Variants in SNTG2 observed in about 807,000 individuals in gnomAD.
The protein encoded by SNTG2 is gamma-2-syntrophin.
SNTG2 carries 74 observed loss-of-function variants against 70.9 expected under a neutral mutation model. The ratio of observed to expected loss-of-function variants is 1.04; its 90% CI spans 0.86 to 1.27. The LOEUF is 1.27. SNTG2 is among the 50% of genes most tolerant of loss of function. SNTG2 has a pLI of 0.00. For missense variants in SNTG2, 717 were observed against 690.7 expected (o/e 1.04, Z -0.43); for synonymous variants, 278 against 273.8 (o/e 1.02, Z -0.15).
At chr2:1,078,998 A>G (rs1430438534) in intron 1 of SNTG2, among the ~76,000 whole-genome samples, 3 of 152,234 alleles carry the variant, frequency 2.0e-5, no homozygotes, top group Non-Finnish European at 2.9e-5. Context: ...TGAATGGGAA[A>G]GACTCAAAGT....
intron 8 of SNTG2, among the ~76,000 whole-genome samples, chr2:1,173,431 A>G (rs1671260343): frequency 6.6e-6 from 1 of 152,226 alleles, no homozygotes; most frequent in Admixed American, 6.5e-5. Context: ...TGAGCAGGCA[A>G]GAATTCTTTG....
chr2:1,318,699 G>C (rs66477241), intron 16 of SNTG2, among the ~76,000 whole-genome samples: 22,656 of 152,256 alleles, frequency 0.15, 1,879 homozygotes, highest in African/African-American at 0.22. Flanking sequence ...GCTTGGATGT[G>C]AATGGATCAG....
intron 6 of SNTG2, among the ~76,000 whole-genome samples, chr2:1,148,117 T>C (rs28468659): frequency 0.94 from 142,598 of 152,220 alleles, 66,918 homozygotes; most frequent in Non-Finnish European, 0.97. Context: ...GGAAAATCAA[T>C]CCCAGGAGCT....
chr2:1,193,331 C>T (rs944161417), intron 8 of SNTG2, among the ~76,000 whole-genome samples: 8 of 152,192 alleles, frequency 5.3e-5, no homozygotes, highest in African/African-American at 1.7e-4. Context: ...GGAAAGCCCT[C>T]CCTCCTAGAG....
At chr2:1,045,398 A>AT (rs1355743898) in intron 1 of SNTG2, among the ~76,000 whole-genome samples, 1 of 150,756 alleles carries the variant, frequency 6.6e-6, no homozygotes, top group East Asian at 1.9e-4. Context: ...TTCAGCTCTG[A>AT]TTTTGCTTCT....
intron 11 of SNTG2, among the ~76,000 whole-genome samples, chr2:1,245,122 C>T (rs534122836): frequency 2.4e-3 from 205 of 86,002 alleles, no homozygotes; most frequent in Non-Finnish European, 3.4e-3. Context: ...GGACTGTTGT[C>T]GGGTGGGGGG....
chr2:1,320,258 G>A (rs1015634451), intron 16 of SNTG2, among the ~76,000 whole-genome samples: 2 of 152,010 alleles, frequency 1.3e-5, no homozygotes, highest in African/African-American at 4.8e-5. Context: ...GAATTGGCCG[G>A]GCATGGTGGC....
chr2:1,144,616 T>C (rs947059320), intron 6 of SNTG2, among the ~76,000 whole-genome samples: 3 of 152,156 alleles, frequency 2.0e-5, no homozygotes, highest in Non-Finnish European at 4.4e-5. Context: ...CTCAGAATCA[T>C]GGTGGAAGGC....
chr2:1,348,639 G>T (rs1018967262), intron 16 of SNTG2, among the ~76,000 whole-genome samples: 1 of 152,290 alleles, frequency 6.6e-6, no homozygotes, highest in East Asian at 1.9e-4. Context: ...AAATGTATTT[G>T]ATTGAAGTCT....
chr2:1,020,580 AAATT>A (rs1348184343), intron 1 of SNTG2, among the ~76,000 whole-genome samples: 409 of 8,940 alleles, frequency 0.046, 2 homozygotes, highest in African/African-American at 0.19. Flanking sequence ...TTTTTTAAAA[AAATT>A]CCAACAGAAA....
At chr2:963,721 T>C (rs995565902) in intron 1 of SNTG2, among the ~76,000 whole-genome samples, 1 of 152,128 alleles carries the variant, frequency 6.6e-6, no homozygotes, top group African/African-American at 2.4e-5. Context: ...CCAGTAAAAA[T>C]TGGCTGAAGA....
chr2:1,214,031 T>C (rs569545314), intron 9 of SNTG2, among the ~76,000 whole-genome samples: 1 of 152,352 alleles, frequency 6.6e-6, no homozygotes, highest in South Asian at 2.1e-4. Flanking sequence ...GATATGTTCC[T>C]GGCACTTTTG....
chr2:1,242,040 C>G (rs779524467), intron 11 of SNTG2, among the ~76,000 whole-genome samples: 2 of 152,150 alleles, frequency 1.3e-5, no homozygotes, highest in South Asian at 2.1e-4. Flanking sequence ...TTTGAATTTA[C>G]TTAGCAGCTT....
intron 2 of SNTG2, among the ~76,000 whole-genome samples, chr2:1,090,824 A>G (rs6736795): frequency 0.79 from 120,196 of 152,084 alleles, 47,721 homozygotes; most frequent in Admixed American, 0.88. Flanking sequence ...GGAAAGTCAT[A>G]GACCAGTTAA....
chr2:1,331,929 C>T (rs1266249978), intron 16 of SNTG2, among the ~76,000 whole-genome samples: 4 of 152,152 alleles, frequency 2.6e-5, no homozygotes, highest in African/African-American at 9.7e-5. Context: ...CACGACATAA[C>T]CCAGCCTGGT....
chr2:1,253,235 C>A (rs550082432), intron 12 of SNTG2, among the ~76,000 whole-genome samples: 12 of 152,246 alleles, frequency 7.9e-5, no homozygotes, highest in African/African-American at 2.9e-4. Flanking sequence ...CCCTCCTCCC[C>A]ACAGAAGGAG....
intron 14 of SNTG2, among the ~76,000 whole-genome samples, chr2:1,288,918 C>T (rs899531691): frequency 1.3e-5 from 2 of 152,158 alleles, no homozygotes; most frequent in Admixed American, 6.5e-5. Context: ...CAGGTCATCC[C>T]CAGCCACACA....
intron 8 of SNTG2, among the ~76,000 whole-genome samples, chr2:1,193,664 A>C (rs887681488): frequency 1.3e-5 from 2 of 152,182 alleles, no homozygotes; most frequent in African/African-American, 4.8e-5. Context: ...TTTCAGCCAT[A>C]AAGAAGAAAG....
At chr2:1,203,748 A>C (rs1013842733) in intron 8 of SNTG2, among the ~76,000 whole-genome samples, 2 of 151,602 alleles carry the variant, frequency 1.3e-5, no homozygotes, top group Non-Finnish European at 2.9e-5. Flanking sequence ...ATATGGACCA[A>C]TAGCCCTCAT....
Sources: gnomAD v4.1 joint callset for allele counts (sites outside exome capture counted in the v4.1 genomes callset) on GRCh38, gnomAD v4.1.1 for gene constraint, MANE v1.5 for transcripts, NCBI Gene and HGNC (gene_info 2026-07-23, HGNC 2026-07-21) for gene names.